The following UGT2A2 variants were observed in gnomAD, a reference collection of about 807,000 sequenced individuals.
UGT2A2 encodes UDP-glucuronosyltransferase 2A2.
In UGT2A2, 60 loss-of-function variants were observed where a neutral mutation model predicts 50.7. The observed-to-expected ratio is 1.18, with a 90% confidence interval of 0.96 to 1.47. The LOEUF is 1.47. Among genes scored for constraint, UGT2A2 ranks in the 40% most tolerant of loss-of-function variants. UGT2A2 has a pLI of 0.00. For missense variants in UGT2A2, 762 were observed against 634.0 expected (o/e 1.20, Z -2.17); for synonymous variants, 242 against 214.6 (o/e 1.13, Z -1.11).
In UGT2A2 at chr4:69,622,294, A is replaced by C. The variant is rs1165642085; in HGVS notation, c.742+16605T>G. 1.2e-4 allele frequency among the ~76,000 whole-genome samples: 18 copies of C among 151,886 alleles called. No individual in the cohort carries two copies. The Admixed American group carries it at 1.2e-3, about 10-fold the overall frequency. ...AAGTAATAATATAATGTATAACACC[A>C]CAAAGATGGGAAATTGGCATACAAA... On this transcript the variant is annotated intron_variant, in intron 1 of 5. Transcript: ENST00000604629.
chr4:69,591,449 G>C (rs1339292516), intron 5 of UGT2A2, among the ~76,000 whole-genome samples: 3 of 152,118 alleles, frequency 2.0e-5, no homozygotes, highest in Admixed American at 6.6e-5. Context: ...AGGAATGCCT[G>C]GGTTAAGATA....
chr4:69,607,025 A>G (rs1719669848), intron 1 of UGT2A2, among the ~76,000 whole-genome samples: 1 of 135,988 alleles, frequency 7.4e-6, no homozygotes, highest in South Asian at 2.4e-4. Flanking sequence ...TGCCATCCCC[A>G]TCAAACTACC....
At chr4:69,594,389 T>A in intron 5 of UGT2A2, 88 bp downstream of exon 5, 2 of 1,498,004 alleles carry the variant, frequency 1.3e-6, no homozygotes, top group Non-Finnish European at 1.8e-6. Context: ...TGGAAAATAA[T>A]TACAAAAGTA....
intron 1 of UGT2A2, among the ~76,000 whole-genome samples, chr4:69,631,107 C>T (rs1560488657): frequency 6.6e-6 from 1 of 152,036 alleles, no homozygotes; most frequent in African/African-American, 2.4e-5. Flanking sequence ...TCAGTGATAG[C>T]TATCTCAATA....
chr4:69,621,107 A>G (rs1300881880), intron 1 of UGT2A2, among the ~76,000 whole-genome samples: 3 of 152,026 alleles, frequency 2.0e-5, no homozygotes, highest in Non-Finnish European at 4.4e-5. Flanking sequence ...TTTTATGACA[A>G]AGATGCCGAA....
At chr4:69,615,320 T>A (rs1577971548) in intron 1 of UGT2A2, among the ~76,000 whole-genome samples, 1 of 151,922 alleles carries the variant, frequency 6.6e-6, no homozygotes, top group African/African-American at 2.4e-5. Context: ...CAGATTTGAT[T>A]AATAAGACCT....
chr4:69,617,549 T>C (rs986794591), intron 1 of UGT2A2, among the ~76,000 whole-genome samples: 2 of 151,922 alleles, frequency 1.3e-5, no homozygotes, highest in Non-Finnish European at 2.9e-5. Flanking sequence ...CTCTAAGCAC[T>C]AGTTTCCTTC....
chr4:69,590,946 A>G (rs1399824668), intron 5 of UGT2A2, among the ~76,000 whole-genome samples: 1 of 152,218 alleles, frequency 6.6e-6, no homozygotes, highest in Non-Finnish European at 1.5e-5. Context: ...TAATTGCTTT[A>G]ATGAATAACA....
chr4:69,613,398 C>G (rs1720184146), intron 1 of UGT2A2, among the ~76,000 whole-genome samples: 2 of 151,798 alleles, frequency 1.3e-5, no homozygotes, highest in South Asian at 2.1e-4. Flanking sequence ...TGAATTCTAC[C>G]AAACATTTGA....
intron 1 of UGT2A2, chr4:69,635,734 G>C: frequency 4.0e-6 from 1 of 248,788 alleles, no homozygotes; most frequent in Non-Finnish European, 8.3e-6. Context: ...GGCTGAGGCG[G>C]GAGAATCGCT....
chr4:69,612,164 G>A (rs1270002365), intron 1 of UGT2A2, among the ~76,000 whole-genome samples: 2 of 151,842 alleles, frequency 1.3e-5, no homozygotes, highest in African/African-American at 4.8e-5. Context: ...AAGACTTCAT[G>A]TATGAAAATC....
chr4:69,607,246 GC>G (rs1397393821), intron 1 of UGT2A2, among the ~76,000 whole-genome samples: 1 of 149,278 alleles, frequency 6.7e-6, no homozygotes, highest in African/African-American at 2.5e-5. Flanking sequence ...ACAGAACAGA[GC>G]CCTCAGAAAT....
intron 5 of UGT2A2, among the ~76,000 whole-genome samples, chr4:69,593,393 A>G (rs2109877186): frequency 6.6e-6 from 1 of 152,150 alleles, no homozygotes; most frequent in East Asian, 1.9e-4. Flanking sequence ...GATACATTTC[A>G]AAGCAGGAGT....
At chr4:69,627,558 G>GAA in intron 1 of UGT2A2, among the ~76,000 whole-genome samples, 1 of 148,468 alleles carries the variant, frequency 6.7e-6, no homozygotes, top group Admixed American at 6.8e-5. Context: ...AAGAGAGAGA[G>GAA]AGAGAGAGAA....
At chr4:69,634,224 G>A (rs974848770) in intron 1 of UGT2A2, among the ~76,000 whole-genome samples, 6 of 151,734 alleles carry the variant, frequency 4.0e-5, no homozygotes, top group African/African-American at 1.5e-4. Context: ...CAGCCTGAGC[G>A]ACAGAGCGAG....
intron 5 of UGT2A2, among the ~76,000 whole-genome samples, chr4:69,590,465 G>T (rs145944922): frequency 3.3e-5 from 5 of 152,212 alleles, no homozygotes; most frequent in African/African-American, 1.2e-4. Context: ...TTTGTGTCTG[G>T]AAGAAAAGTT....
intron 1 of UGT2A2, among the ~76,000 whole-genome samples, chr4:69,613,463 A>G (rs1440931757): frequency 6.6e-6 from 1 of 151,994 alleles, no homozygotes; most frequent in East Asian, 1.9e-4. Flanking sequence ...AATATGTTCC[A>G]AAACATAGTA....
chr4:69,631,427 T>A (rs1365398317), intron 1 of UGT2A2, among the ~76,000 whole-genome samples: 1 of 152,092 alleles, frequency 6.6e-6, no homozygotes, highest in African/African-American at 2.4e-5. Flanking sequence ...GAGAGTTACA[T>A]CATCATAAAT....
rs779526990 is a variant in UGT2A2 at position 69,639,326 on chromosome 4, G to A, written c.315C>T (p.Asp105=). 1.2e-6 allele frequency: 2 copies of A among 1,613,648 alleles called. No homozygotes were observed. The highest frequency in any genetic ancestry group is 3.3e-5 in the Admixed American group (2 of 59,982). ...LIEHMIMLWI[D]HRPTPLTIWA... ...ATATTGTGAGAGGAGTTGGTCTATG[G>A]TCAATCCACAGCATTATCATATGCT... Residue 105 remains aspartate (D), a synonymous_variant, in exon 1 of 6, where the codon GAC becomes GAT. Transcript: ENST00000604629.
Sources: gnomAD v4.1 joint callset for allele counts (sites outside exome capture counted in the v4.1 genomes callset) on GRCh38, gnomAD v4.1.1 for gene constraint, MANE v1.5 for transcripts, NCBI Gene and HGNC (gene_info 2026-07-23, HGNC 2026-07-21) for gene names.